The following DLEC1 variants were observed in gnomAD, a reference collection of about 807,000 sequenced individuals.
DLEC1 encodes DLEC1 cilia and flagella associated protein.
A neutral mutation model predicts 198.1 loss-of-function variants in DLEC1; 146 were observed. That is an observed-to-expected ratio of 0.74 (90% CI 0.64 to 0.85). DLEC1 has a LOEUF of 0.85. DLEC1 is among the 40% of genes least tolerant of loss of function. The probability of loss-of-function intolerance (pLI) is 0.00; values close to 1 mark genes in which losing one functional copy is unlikely to be tolerated. For missense variants in DLEC1, 2,233 were observed against 2,220.0 expected (o/e 1.01, Z -0.12); for synonymous variants, 897 against 866.8 (o/e 1.03, Z -0.61).
intron 1 of DLEC1, among the ~76,000 whole-genome samples, chr3:38,043,261 G>A (rs564458621): frequency 5.6e-4 from 85 of 152,270 alleles, no homozygotes; most frequent in African/African-American, 1.9e-3. Flanking sequence ...CCCATAGGTT[G>A]GTTGTTTTGA....
chr3:38,042,981 T>C (rs960790522), intron 1 of DLEC1, among the ~76,000 whole-genome samples: 1 of 152,186 alleles, frequency 6.6e-6, no homozygotes, highest in Non-Finnish European at 1.5e-5. Context: ...AGATTCATTC[T>C]CCCTGGGAGG....
chr3:38,123,281 G>A lies in DLEC1; in HGVS notation c.*869G>A, dbSNP rs920313806. The A allele has an allele frequency of 3.4e-5, 22 of 654,986 alleles. No individual in the cohort carries two copies. The highest frequency in any genetic ancestry group is 1.4e-4 in the Admixed American group (6 of 43,242). 40.6% of individuals were successfully genotyped at this position (654,986 alleles called of 1,614,324 possible). Reference sequence around the variant, plus strand: ...TGGCCTCCCACTTGGGCACACACACGGTGACAGATGCCCACTGCAGGCTAG... The same window carrying A: ...TGGCCTCCCACTTGGGCACACACACAGTGACAGATGCCCACTGCAGGCTAG... On this transcript the variant is annotated 3_prime_UTR_variant, in exon 37 of 37. Transcript: ENST00000308059.
chr3:38,095,123 AC>A (rs756672686), intron 13 of DLEC1, 52 bp downstream of exon 13: 4 of 1,586,012 alleles, frequency 2.5e-6, no homozygotes, highest in Admixed American at 1.7e-5. Flanking sequence ...ATGTATTTAG[AC>A]CCCCCACCTG....
chr3:38,091,516 A>G (rs1381425833), intron 10 of DLEC1, among the ~76,000 whole-genome samples: 2 of 152,156 alleles, frequency 1.3e-5, no homozygotes, highest in African/African-American at 4.8e-5. Context: ...GAATAGACAA[A>G]TGGGATTACC....
Position 38,062,762 on chromosome 3 carries a change from C to G in DLEC1, c.1055C>G (p.Ala352Gly). 6.2e-7 allele frequency: 1 copy of G among 1,614,034 alleles called. No homozygotes were observed. The highest frequency in any genetic ancestry group is 8.5e-7 in the Non-Finnish European group (1 of 1,179,968). The change falls in exon 5 of 37, where the codon GCA becomes GGA. Residue 352 changes from alanine (A) to glycine (G), a missense_variant. Transcript: ENST00000308059. ...KSLVFPPKKP[A>G]PIGEFQSTEP... ...CTTGTTTTTCCTCCAAAGAAGCCAG[C>G]ACCGATAGGAGAATTCCAGAGTACA... is the stretch of plus-strand genomic sequence containing the variant.
rs981878980 is a variant in DLEC1, at chr3:38,112,190, C to T, written c.3515-20C>T. ...CAACCCCAGGCCCGTGAATCCCCCA[C>T]AGTCGCGGTTCTTTCCCAGATTTTA... On this transcript the variant is annotated intron_variant, in intron 24 of 36. Transcript: ENST00000308059. This position sits in a 1 kb window ranked among gnomAD's most constrained non-coding sequence, Gnocchi z 4.8. The T allele has an allele frequency of 6.8e-6, 11 of 1,613,832 alleles. No individual in the cohort carries two copies. Among genetic ancestry groups the T allele is most frequent in the African/African-American group, 1.3e-5 (1 of 74,936 alleles).
At chr3:38,078,776 A>C (rs1697784348) in intron 6 of DLEC1, among the ~76,000 whole-genome samples, 3 of 152,288 alleles carry the variant, frequency 2.0e-5, no homozygotes, top group Admixed American at 6.5e-5. Context: ...AGAACAGAAT[A>C]ATGGGTAGTA....
intron 10 of DLEC1, among the ~76,000 whole-genome samples, chr3:38,090,566 A>G (rs1266422722): frequency 6.6e-6 from 1 of 152,236 alleles, no homozygotes; most frequent in Non-Finnish European, 1.5e-5. Context: ...CTCTGGCTAC[A>G]AATTATGTAT....
chr3:38,059,624 T>C, intron 2 of DLEC1, 118 bp from the exon 3 acceptor site: 1 of 813,568 alleles, frequency 1.2e-6, no homozygotes, highest in East Asian at 2.5e-5. Flanking sequence ...TCCCACAGGT[T>C]TCTGAGAAGG....
intron 23 of DLEC1, 103 bp downstream of exon 23, chr3:38,110,384 G>C (rs1699802859): frequency 2.2e-6 from 3 of 1,367,134 alleles, no homozygotes; most frequent in Non-Finnish European, 3.0e-6. Flanking sequence ...GTCGGTGTGA[G>C]AGATGGGAGT....
intron 6 of DLEC1, among the ~76,000 whole-genome samples, chr3:38,065,565 C>T (rs967293923): frequency 1.3e-5 from 2 of 152,232 alleles, no homozygotes; most frequent in Non-Finnish European, 2.9e-5. Flanking sequence ...TCTTCATGTA[C>T]ACATCTATAT....
In DLEC1 at chr3:38,093,642, T is replaced by G; in HGVS notation, c.1794T>G (p.Ile598Met). The G allele has an allele frequency of 6.2e-7, 1 of 1,614,182 alleles. No individual in the cohort carries two copies. The highest frequency in any genetic ancestry group is 8.5e-7 in the Non-Finnish European group (1 of 1,180,030). ...TGATTGCTTTGGATCTGATCTATAT[T>G]TCTGGTGAAAAAAGCCAGCCAGACC... is the stretch of plus-strand genomic sequence containing the variant. ...GQLIALDLIY[I>M]SGEKSQPDPG... Residue 598 changes from isoleucine to methionine, a missense_variant, in exon 12 of 37, where the codon ATT (isoleucine) becomes ATG (methionine). Physicochemically the swap from Ile to Met is conservative, Grantham distance 10. Transcript: ENST00000308059.
chr3:38,094,784 C>T (rs1698921539), intron 12 of DLEC1, 95 bp from the exon 13 acceptor site: 10 of 1,443,364 alleles, frequency 6.9e-6, no homozygotes, highest in Non-Finnish European at 9.4e-6. Flanking sequence ...TAGGTCCTTT[C>T]CTGCTCCCTC....
chr3:38,084,545 AGTAGTG>A (rs1559430806), intron 7 of DLEC1, among the ~76,000 whole-genome samples: 4 of 39,416 alleles, frequency 1.0e-4, no homozygotes, highest in African/African-American at 3.3e-4. Flanking sequence ...TGGTGGTAGT[AGTAGTG>A]GTAGTAGTAG....
Position 38,109,559 on chromosome 3 carries a change from G to A in DLEC1, c.3257G>A (p.Cys1086Tyr). The A allele has an allele frequency of 6.2e-7, 1 of 1,614,166 alleles. No individual in the cohort carries two copies. The highest frequency in any genetic ancestry group is 8.5e-7 in the Non-Finnish European group (1 of 1,180,016). Residue 1086 changes from cysteine to tyrosine, a missense_variant, in exon 22 of 37, where the codon TGC (cysteine) becomes TAC (tyrosine). Physicochemically the swap from Cys to Tyr is radical, Grantham distance 194 (BLOSUM62 -2). Transcript: ENST00000308059. ...ACCATCTCTAAGGAGAGCTCTGATT[G>A]CAGGTGAGCCCAGGGTTGGTGGTCT... The part of the protein sequence containing the change: ...AITISKESSD[C>Y]STEQWPGHPK...
At chr3:38,059,318 A>C (rs957712490) in intron 2 of DLEC1, among the ~76,000 whole-genome samples, 6 of 152,338 alleles carry the variant, frequency 3.9e-5, no homozygotes, top group African/African-American at 1.4e-4. Context: ...GTGCATTTCA[A>C]ACCTTTGCTA....
At chr3:38,121,934 C>A in intron 35 of DLEC1, 137 bp from the exon 36 acceptor site, 1 of 1,509,674 alleles carries the variant, frequency 6.6e-7, no homozygotes, top group Non-Finnish European at 8.9e-7. Context: ...GTCCCCCAAT[C>A]CCACATGATC....
chr3:38,086,489 T>TTGGA, intron 9 of DLEC1, 112 bp downstream of exon 9: 2 of 1,387,702 alleles, frequency 1.4e-6, no homozygotes, highest in Non-Finnish European at 1.9e-6. Context: ...GAACGCAGAG[T>TTGGA]GTTGTAAACT....
chr3:38,095,797 G>T, intron 13 of DLEC1, 91 bp from the exon 14 acceptor site: 2 of 1,533,346 alleles, frequency 1.3e-6, no homozygotes, highest in Non-Finnish European at 9.0e-7. Flanking sequence ...CTAGGCTAAG[G>T]GGAGGAAGAA....
Sources: allele counts gnomAD v4.1 joint callset (sites outside exome capture counted in the v4.1 genomes callset), GRCh38; gene constraint gnomAD v4.1.1; non-coding constraint Gnocchi (gnomAD v3.1); transcripts MANE v1.5; gene names NCBI Gene and HGNC (gene_info 2026-07-23, HGNC 2026-07-21).